The following ENOX2 variants were observed in gnomAD, a reference collection of about 807,000 sequenced individuals.
ENOX2 encodes APK1 antigen.
A neutral mutation model predicts 45.0 loss-of-function variants in ENOX2; 36 were observed. That is an observed-to-expected ratio of 0.80 (90% confidence interval 0.61 to 1.06). The LOEUF is 1.06. Among genes scored for constraint, ENOX2 ranks in the 50% least tolerant of loss-of-function variants. ENOX2 has a pLI of 0.00. For missense variants in ENOX2, 423 were observed against 462.5 expected, an observed-to-expected ratio of 0.91 and a Z score of 0.78; for synonymous variants, 174 against 152.3, an observed-to-expected ratio of 1.14 and a Z score of -1.05.
intron 2 of ENOX2, among the ~76,000 whole-genome samples, chrX:130,882,268 A>G (rs1162108314): frequency 1.9e-5 from 2 of 106,450 alleles, no homozygotes; most frequent in South Asian, 8.8e-4. Context: ...GTAGTGGGAG[A>G]TAAGAGTGTA....
Position 130,656,692 on chromosome X carries a change from T to A in ENOX2, c.1018A>T (p.Ile340Phe). The change falls in exon 10 of 15, where the codon ATT (isoleucine) becomes TTT (phenylalanine). Residue 340 changes from isoleucine (I) to phenylalanine (F), a missense_variant. Physicochemically the swap from Ile to Phe is conservative, Grantham distance 21. This residue lies in a region of ENOX2 where 261 missense variants were observed against 306.8 expected (regional missense o/e 0.85). Coordinates refer to ENST00000394363, the MANE Select transcript of ENOX2 (RefSeq NM_006375.4). ...ISVWCKQAEE[I>F]RNIHNDELMG... Reference sequence around the variant, plus strand: ...AATTCATCATTATGAATGTTGCGAATTTCCTAAGGTTAAAAAGTATGCTTT... The same window carrying A: ...AATTCATCATTATGAATGTTGCGAAATTCCTAAGGTTAAAAAGTATGCTTT... 9.4e-7 allele frequency: 1 copy of A among 1,066,522 alleles called. No individual in the cohort carries two copies. The highest frequency in any genetic ancestry group is 2.0e-5 in the South Asian group (1 of 51,145). 87.9% of individuals were successfully genotyped at this position (1,066,522 alleles called of 1,213,427 possible). A position where few individuals can be genotyped will look rare whatever the true frequency, so the allele number is the denominator to read the frequency against.
rs1390345615 is a variant in ENOX2 at position 130,898,732 on chromosome X, T to A, written c.-183+2952A>T. ...TATTGTACATTTAAGATGTTCTTTTTTTTCTTTTTTTTTTTTTTGTTGTTT... is the reference window on the plus strand; with the variant it reads ...TATTGTACATTTAAGATGTTCTTTTATTTCTTTTTTTTTTTTTTGTTGTTT... On this transcript the variant is annotated intron_variant, in intron 2 of 14. Transcript: ENST00000394363. Among the ~76,000 whole-genome samples, 12 of 109,119 alleles carry A rather than the reference T, an allele frequency of 1.1e-4. No individual in the cohort carries two copies. The Admixed American group carries it at 1.2e-3, about 11-fold the overall frequency. 94.8% of individuals were successfully genotyped at this position (109,119 alleles called of 115,157 possible).
chrX:130,901,006 G>A (rs2079136545), intron 2 of ENOX2, among the ~76,000 whole-genome samples: 1 of 112,430 alleles, frequency 8.9e-6, no homozygotes, highest in South Asian at 3.6e-4. Flanking sequence ...TAGCTTAGAG[G>A]TATGATATGT....
At chrX:130,656,100 C>T (rs2036539617) in intron 10 of ENOX2, among the ~76,000 whole-genome samples, 1 of 111,958 alleles carries the variant, frequency 8.9e-6, no homozygotes, top group Admixed American at 9.4e-5. Flanking sequence ...AATCTGACTC[C>T]TAAGATTGTC....
At chrX:130,671,138 A>C (rs1014828265) in intron 6 of ENOX2, among the ~76,000 whole-genome samples, 1 of 111,529 alleles carries the variant, frequency 9.0e-6, no homozygotes, top group Non-Finnish European at 1.9e-5. Flanking sequence ...AGGACATTAG[A>C]CTCTGTGCTT....
intron 6 of ENOX2, among the ~76,000 whole-genome samples, chrX:130,677,572 T>C (rs2037185917): frequency 9.0e-6 from 1 of 110,996 alleles, no homozygotes; most frequent in Non-Finnish European, 1.9e-5. Context: ...CTTTAAGAGG[T>C]GATTGGGTCA....
rs766358913 is a variant in ENOX2, at chrX:130,636,875, C to T, written c.1311+354G>A. 4.5e-5 allele frequency among the ~76,000 whole-genome samples: 5 copies of T among 111,927 alleles called. No homozygotes were observed. In the East Asian group the frequency reaches 1.4e-3, roughly 31 times the overall value. ...TATCAACTAGATACTTGTTCATCAGCTCTTTTTCATATCTAAATAATTGAG... is the reference window on the plus strand; with the variant it reads ...TATCAACTAGATACTTGTTCATCAGTTCTTTTTCATATCTAAATAATTGAG... On this transcript the variant is annotated intron_variant, in intron 11 of 14. Transcript: ENST00000394363.
At chrX:130,708,249 T>G (rs762413211) in intron 3 of ENOX2, among the ~76,000 whole-genome samples, 1 of 111,885 alleles carries the variant, frequency 8.9e-6, no homozygotes, top group South Asian at 3.8e-4. Flanking sequence ...GCTCAATAAA[T>G]GGCCATAATA....
At chrX:130,754,081 T>C (rs764672018) in intron 3 of ENOX2, among the ~76,000 whole-genome samples, 2 of 112,085 alleles carry the variant, frequency 1.8e-5, no homozygotes, top group South Asian at 7.5e-4. Flanking sequence ...ATAATAAATG[T>C]TTGAGGTGAT....
chrX:130,632,395 A>G, intron 12 of ENOX2, among the ~76,000 whole-genome samples: 1 of 94,496 alleles, frequency 1.1e-5, no homozygotes, highest in African/African-American at 3.8e-5. Flanking sequence ...AGAGAAACTC[A>G]GGTGAAATCC....
chrX:130,731,917 A>T (rs2038746679), intron 3 of ENOX2, among the ~76,000 whole-genome samples: 1 of 111,842 alleles, frequency 8.9e-6, no homozygotes, highest in South Asian at 3.7e-4. Flanking sequence ...GAAAAACTGA[A>T]AGCTTTTCCT....
intron 2 of ENOX2, among the ~76,000 whole-genome samples, chrX:130,816,172 G>A (rs1287109983): frequency 3.6e-5 from 4 of 111,870 alleles, no homozygotes; most frequent in African/African-American, 1.3e-4. Flanking sequence ...AGACAACGAA[G>A]AGCATTACAG....
rs778532847 is a variant in ENOX2 at position 130,758,062 on chromosome X, A to C, written c.-39+25485T>G. Among the ~76,000 whole-genome samples, 4 of 112,233 alleles carry C rather than the reference A, an allele frequency of 3.6e-5. No individual in the cohort carries two copies. The South Asian group carries it at 1.5e-3, about 42-fold the overall frequency. On this transcript the variant is annotated intron_variant, in intron 3 of 14. Coordinates refer to ENST00000394363, the MANE Select transcript of ENOX2 (RefSeq NM_006375.4). ...GCAGTCCTCTTGTCTTGGCCTCCCA[A>C]AGTGCTGGGATTATAGGCAAGGCAT... is the stretch of plus-strand genomic sequence containing the variant.
chrX:130,776,776 T>A (rs773148579), intron 3 of ENOX2, among the ~76,000 whole-genome samples: 1 of 111,984 alleles, frequency 8.9e-6, no homozygotes, highest in African/African-American at 3.2e-5. Flanking sequence ...TAGGCTGGGA[T>A]GGAGGACACA....
chrX:130,721,669 C>G (rs752321426), intron 3 of ENOX2, among the ~76,000 whole-genome samples: 1 of 111,729 alleles, frequency 9.0e-6, no homozygotes, highest in Non-Finnish European at 1.9e-5. Flanking sequence ...ACACACTGTC[C>G]TGGACACAGT....
rs185339719 is a variant in ENOX2 at position 130,806,507 on chromosome X, A to T, written c.-182-22817T>A. 9.3e-3 allele frequency among the ~76,000 whole-genome samples: 1,045 copies of T among 112,185 alleles called. 11 individuals carry two copies. The highest frequency in any genetic ancestry group is 0.031 in the African/African-American group (962 of 30,927). On this transcript the variant is annotated intron_variant, in intron 2 of 14. Coordinates refer to ENST00000394363, the MANE Select transcript of ENOX2 (RefSeq NM_006375.4). The stretch of plus-strand genomic sequence containing the variant: ...ATGCATCATAAGAATTTAAAAAAAA[A>T]TTTTTTTCCAAATCAGCAAGATGTA...
intron 10 of ENOX2, 44 bp downstream of exon 10, chrX:130,656,537 G>T: frequency 1.2e-6 from 1 of 809,314 alleles, no homozygotes; most frequent in Non-Finnish European, 1.9e-6. Flanking sequence ...TATCATGTCT[G>T]CAAGTACATG....
chrX:130,719,546 G>A (rs988223728), intron 3 of ENOX2, among the ~76,000 whole-genome samples: 5 of 110,349 alleles, frequency 4.5e-5, no homozygotes, highest in African/African-American at 6.6e-5. Context: ...CTTGCCCTCC[G>A]CCTAACAGCT....
intron 10 of ENOX2, among the ~76,000 whole-genome samples, chrX:130,648,498 G>T (rs369760845): frequency 9.1e-6 from 1 of 110,228 alleles, no homozygotes; most frequent in East Asian, 2.8e-4. Context: ...GTGAAAGAAG[G>T]TTTTATCTAA....
Sources: allele counts gnomAD v4.1 joint callset (sites outside exome capture counted in the v4.1 genomes callset), GRCh38; gene constraint gnomAD v4.1.1; regional missense constraint gnomAD v4.1.1; transcripts MANE v1.5; gene names NCBI Gene and HGNC (gene_info 2026-07-23, HGNC 2026-07-21).